Variants in COL13A1 observed in about 807,000 individuals in gnomAD.
The protein encoded by COL13A1 is collagen alpha-1(XIII) chain.
COL13A1 carries 89 observed loss-of-function variants against 130.9 expected under a neutral mutation model. That is an observed-to-expected ratio of 0.68 (90% confidence interval 0.57 to 0.81). The LOEUF is 0.81. COL13A1 is among the 30% of genes least tolerant of loss of function. COL13A1 has a pLI of 0.00. For missense variants in COL13A1, 879 were observed against 934.6 expected, an observed-to-expected ratio of 0.94 and a Z score of 0.78; for synonymous variants, 402 against 341.6, an observed-to-expected ratio of 1.18 and a Z score of -1.95.
At chr10:69,871,980 A>G (rs2059115540) in intron 3 of COL13A1, among the ~76,000 whole-genome samples, 1 of 152,228 alleles carries the variant, frequency 6.6e-6, no homozygotes, top group Non-Finnish European at 1.5e-5. Context: ...CAAGAGGTGA[A>G]CACAGGTGGG....
At chr10:69,854,070 T>A (rs1855726627) in intron 2 of COL13A1, among the ~76,000 whole-genome samples, 1 of 152,238 alleles carries the variant, frequency 6.6e-6, no homozygotes, top group Admixed American at 6.5e-5. Flanking sequence ...TTCAGATGCA[T>A]CCAGTTCCTG....
intron 10 of COL13A1, among the ~76,000 whole-genome samples, chr10:69,892,212 T>C (rs562162820): frequency 4.6e-5 from 7 of 152,188 alleles, no homozygotes; most frequent in Non-Finnish European, 1.0e-4. Flanking sequence ...GAGCTGTTAG[T>C]TGCCCACCGC....
At chr10:69,860,666 TC>T (rs2133820364) in intron 2 of COL13A1, 6 of 129,158 alleles carry the variant, frequency 4.6e-5, no homozygotes, top group South Asian at 1.5e-4. Flanking sequence ...TCACCCTCCA[TC>T]CCCCTGGGCA....
Position 69,824,207 on chromosome 10 carries a change from C to T in COL13A1, c.364+1769C>T, listed in dbSNP as rs528737542. Reference sequence around the variant, plus strand: ...AGATTCCTCGAGATAATCCTGGGAACTGCTTAGCATCTTCTCTGATTCCTA... The same window carrying T: ...AGATTCCTCGAGATAATCCTGGGAATTGCTTAGCATCTTCTCTGATTCCTA... On this transcript the variant is annotated intron_variant, in intron 2 of 40. Transcript: ENST00000645393. 1.1e-5 allele frequency: 5 copies of T among 468,724 alleles called. No individual in the cohort carries two copies. The East Asian group carries it at 2.8e-4, about 26-fold the overall frequency. The allele number at this position is 468,724 out of a possible 1,614,324, so 29.0% of individuals were successfully genotyped here. A position where few individuals can be genotyped will look rare whatever the true frequency, so the allele number is the denominator to read the frequency against.
At chr10:69,819,741 G>A (rs1159806590) in intron 1 of COL13A1, among the ~76,000 whole-genome samples, 2 of 152,178 alleles carry the variant, frequency 1.3e-5, no homozygotes, top group Non-Finnish European at 2.9e-5. Flanking sequence ...CAGCACCCAT[G>A]AGCTGTGGTG....
At chr10:69,813,108 A>C (rs1843474180) in intron 1 of COL13A1, among the ~76,000 whole-genome samples, 1 of 152,192 alleles carries the variant, frequency 6.6e-6, no homozygotes, top group African/African-American at 2.4e-5. Context: ...CCCCTAGAAC[A>C]TTGTAGATAG....
rs201169984 is a variant in COL13A1 at position 69,887,437 on chromosome 10, C to T, written c.514-19C>T. ...CCTCCTTGCTCAATCTCATGTGTCT[C>T]TTGTTTTTTTTTTTTCAGGGTCAAC... On this transcript the variant is annotated intron_variant, in intron 7 of 40. Coordinates refer to ENST00000645393, the MANE Select transcript of COL13A1 (RefSeq NM_001368882.1). 77 of 1,603,796 alleles carry T rather than the reference C, an allele frequency of 4.8e-5. No individual in the cohort carries two copies. The highest frequency in any genetic ancestry group is 3.5e-4 in the Admixed American group (21 of 59,374).
At chr10:69,889,779 A>G (rs764751018) in intron 10 of COL13A1, among the ~76,000 whole-genome samples, 14 of 152,204 alleles carry the variant, frequency 9.2e-5, no homozygotes, top group African/African-American at 3.4e-4. Context: ...CTCACAGGGG[A>G]CACTTTCTCT....
chr10:69,832,879 C>T (rs753060334), intron 2 of COL13A1, among the ~76,000 whole-genome samples: 3 of 152,224 alleles, frequency 2.0e-5, no homozygotes, highest in Non-Finnish European at 4.4e-5. Context: ...CCTCTCTCCA[C>T]ATCCTGAGAG....
At chr10:69,950,589 C>T (rs1406197131) in intron 38 of COL13A1, among the ~76,000 whole-genome samples, 1 of 152,170 alleles carries the variant, frequency 6.6e-6, no homozygotes, top group Non-Finnish European at 1.5e-5. Flanking sequence ...CTTCCCCACC[C>T]AAATAGCTAG....
intron 3 of COL13A1, among the ~76,000 whole-genome samples, chr10:69,869,414 T>C (rs1366366768): frequency 6.6e-6 from 1 of 152,172 alleles, no homozygotes; most frequent in Non-Finnish European, 1.5e-5. Flanking sequence ...TCAGCCCTGT[T>C]ATCTCTGCTT....
rs965596272 is a variant in COL13A1, at chr10:69,829,233, A to G, written c.364+6795A>G. ...ACCTCCACCGTCATCACCCTTGTTCAGGGTGCTGCCACCTGACCTCCTCCA... is the reference window on the plus strand; with the variant it reads ...ACCTCCACCGTCATCACCCTTGTTCGGGGTGCTGCCACCTGACCTCCTCCA... On this transcript the variant is annotated intron_variant, in intron 2 of 40. Transcript: ENST00000645393. The G allele has an allele frequency of 6.1e-6, 6 of 985,246 alleles. No homozygotes were observed. The African/African-American group carries it at 1.0e-4, about 17-fold the overall frequency. The allele number at this position is 985,246 out of a possible 1,614,324, so 61.0% of individuals were successfully genotyped here.
At chr10:69,815,593 G>A (rs1844274771) in intron 1 of COL13A1, among the ~76,000 whole-genome samples, 1 of 152,172 alleles carries the variant, frequency 6.6e-6, no homozygotes, top group East Asian at 1.9e-4. Flanking sequence ...GCTGGCTTTG[G>A]AGAGAGAGTA....
chr10:69,927,359 T>C (rs2065505746), intron 27 of COL13A1, among the ~76,000 whole-genome samples: 1 of 152,200 alleles, frequency 6.6e-6, no homozygotes, highest in East Asian at 1.9e-4. Flanking sequence ...TCTTCACCAA[T>C]ACAGCTGTGC....
chr10:69,905,653 G>A (rs1266001959), intron 16 of COL13A1, 134 bp from the exon 17 acceptor site: 4 of 914,508 alleles, frequency 4.4e-6, no homozygotes, highest in African/African-American at 1.6e-5. Context: ...TGGGAAGGCT[G>A]GAGATGGGTG....
chr10:69,935,730 C>T (rs2066743601), intron 32 of COL13A1, among the ~76,000 whole-genome samples: 1 of 152,174 alleles, frequency 6.6e-6, no homozygotes, highest in Admixed American at 6.5e-5. Context: ...ACCGGTCTGG[C>T]ACAGTGGCTC....
At chr10:69,834,246 G>T (rs1348079693) in intron 2 of COL13A1, among the ~76,000 whole-genome samples, 1 of 152,184 alleles carries the variant, frequency 6.6e-6, no homozygotes, top group Non-Finnish European at 1.5e-5. Context: ...AGAATCTATT[G>T]CCACCGCTGA....
intron 34 of COL13A1, among the ~76,000 whole-genome samples, chr10:69,939,723 G>A (rs952974025): frequency 2.6e-5 from 4 of 152,142 alleles, no homozygotes; most frequent in Non-Finnish European, 4.4e-5. Context: ...GAATTGCATC[G>A]GGCTGGGATG....
intron 21 of COL13A1, among the ~76,000 whole-genome samples, chr10:69,920,986 C>T (rs1344904766): frequency 4.6e-5 from 7 of 152,086 alleles, no homozygotes; most frequent in African/African-American, 7.2e-5. Context: ...AGAGTTCTTC[C>T]GTAGTGGAAG....
Sources: allele counts gnomAD v4.1 joint callset (sites outside exome capture counted in the v4.1 genomes callset), GRCh38; gene constraint gnomAD v4.1.1; transcripts MANE v1.5; gene names NCBI Gene and HGNC (gene_info 2026-07-23, HGNC 2026-07-21).